The following PIGU variants were observed in gnomAD, a reference collection of about 807,000 sequenced individuals.
The protein encoded by PIGU is GPI-anchor transamidase component PIGU.
Under a neutral mutation model 49.9 loss-of-function variants are expected in PIGU, and 24 were observed. That is an observed-to-expected ratio of 0.48 (90% CI 0.35 to 0.68). The LOEUF (loss-of-function observed/expected upper bound fraction) is 0.68. Among genes scored for constraint, PIGU ranks in the 30% least tolerant of loss-of-function variants. PIGU has a pLI of 0.01. For synonymous variants in PIGU, 220 were observed against 205.7 expected, an observed-to-expected ratio of 1.07 and a Z score of -0.59; for missense variants, 490 against 532.6, an observed-to-expected ratio of 0.92 and a Z score of 0.79.
chr20:34,571,187 C>T (rs931832356), intron 11 of PIGU, among the ~76,000 whole-genome samples: 4 of 152,168 alleles, frequency 2.6e-5, no homozygotes, highest in African/African-American at 9.7e-5. Flanking sequence ...CTCAGGCGCA[C>T]CCCCCACCAT....
chr20:34,587,600 A>G (rs1983751010), intron 8 of PIGU, among the ~76,000 whole-genome samples: 1 of 152,182 alleles, frequency 6.6e-6, no homozygotes, highest in Admixed American at 6.5e-5. Flanking sequence ...AAAAGAAAAA[A>G]ACATATTCCT....
chr20:34,622,410 G>T (rs567275625), intron 6 of PIGU, among the ~76,000 whole-genome samples: 1 of 151,966 alleles, frequency 6.6e-6, no homozygotes, highest in Non-Finnish European at 1.5e-5. Flanking sequence ...CCAGCTATTC[G>T]GGAGGCTGAG....
intron 7 of PIGU, among the ~76,000 whole-genome samples, chr20:34,612,509 A>C (rs1568639002): frequency 6.6e-6 from 1 of 152,136 alleles, no homozygotes; most frequent in African/African-American, 2.4e-5. Flanking sequence ...CAGCACATGT[A>C]TTCCAGAACT....
At chr20:34,597,905 T>C (rs1984261641) in intron 7 of PIGU, among the ~76,000 whole-genome samples, 1 of 152,054 alleles carries the variant, frequency 6.6e-6, no homozygotes, top group African/African-American at 2.4e-5. Flanking sequence ...AAAGAATGAT[T>C]AACAAAAAAT....
intron 1 of PIGU, among the ~76,000 whole-genome samples, chr20:34,674,947 GAAAAA>G (rs71196750): frequency 7.8e-6 from 1 of 127,900 alleles, no homozygotes. Context: ...GTCTCTTGAA[GAAAAA>G]AAAAAAAAAA....
chr20:34,588,496 GGAA>G lies in PIGU; in HGVS notation c.736_738del (p.Phe246del), dbSNP rs773742109. The G allele has an allele frequency of 1.2e-5, 20 of 1,613,890 alleles. No individual in the cohort carries two copies. Among genetic ancestry groups the G allele is most frequent in the African/African-American group, 4.0e-5 (3 of 74,918 alleles). On this transcript the variant is annotated inframe_deletion, in exon 8 of 12. Coordinates refer to ENST00000217446, the MANE Select transcript of PIGU (RefSeq NM_080476.5). The stretch of plus-strand genomic sequence containing the variant: ...GGGATGAAATCCCAAGAGCTGAGAA[GGAA>G]GAAGGAGAGGCAAATGATTACCACT...
chr20:34,595,806 T>C (rs768959247), intron 7 of PIGU, among the ~76,000 whole-genome samples: 5 of 152,114 alleles, frequency 3.3e-5, no homozygotes, highest in Non-Finnish European at 1.5e-5. Flanking sequence ...ATCTAAGTAA[T>C]TATGAAAAAC....
chr20:34,657,040 A>T, intron 2 of PIGU, 140 bp downstream of exon 2: 1 of 646,944 alleles, frequency 1.5e-6, no homozygotes, highest in South Asian at 2.1e-5. Flanking sequence ...TATGCAGAGG[A>T]CATCTAAAAA....
At chr20:34,625,355 CA>C (rs1985427225) in intron 6 of PIGU, among the ~76,000 whole-genome samples, 1 of 85,080 alleles carries the variant, frequency 1.2e-5, no homozygotes, top group South Asian at 3.6e-4. Flanking sequence ...GGAACAAGAG[CA>C]AAACTCCATC....
Position 34,670,382 on chromosome 20 carries a change from G to T in PIGU, c.130+6574C>A, listed in dbSNP as rs182655583. Among the ~76,000 whole-genome samples the T allele has an allele frequency of 9.6e-3, 1,450 of 151,806 alleles. 8 individuals are homozygous for T. Among genetic ancestry groups the T allele is most frequent in the Non-Finnish European group, 0.015 (1,014 of 67,946 alleles). On this transcript the variant is annotated intron_variant, in intron 1 of 11. Coordinates refer to ENST00000217446, the MANE Select transcript of PIGU (RefSeq NM_080476.5). ...TTTTTGTATTTTTAGTAGAGACAAG[G>T]TTTCACCATGTTGCCTAGGCCGGTC...
chr20:34,650,377 C>A (rs1986493084), intron 2 of PIGU, among the ~76,000 whole-genome samples: 2 of 151,602 alleles, frequency 1.3e-5, no homozygotes, highest in Non-Finnish European at 2.9e-5. Context: ...CTCAAGCGAT[C>A]CTTCCACCTC....
chr20:34,671,201 A>G (rs1751680826), intron 1 of PIGU, among the ~76,000 whole-genome samples: 1 of 152,218 alleles, frequency 6.6e-6, no homozygotes, highest in East Asian at 1.9e-4. Flanking sequence ...TAACACACCT[A>G]AAGTGCTTAG....
intron 7 of PIGU, among the ~76,000 whole-genome samples, chr20:34,600,907 G>A (rs1287054759): frequency 6.6e-6 from 1 of 152,006 alleles, no homozygotes; most frequent in Non-Finnish European, 1.5e-5. Context: ...GGTGGCACAT[G>A]CCTGTAATCC....
chr20:34,629,868 A>G (rs562267803), intron 6 of PIGU, among the ~76,000 whole-genome samples: 38 of 152,234 alleles, frequency 2.5e-4, no homozygotes, highest in Non-Finnish European at 5.3e-4. Flanking sequence ...ACCATATTAA[A>G]TCACAAAGAA....
At chr20:34,637,755 A>G in intron 5 of PIGU, 121 bp downstream of exon 5, 2 of 1,539,582 alleles carry the variant, frequency 1.3e-6, no homozygotes, top group Non-Finnish European at 1.7e-6. Flanking sequence ...ACAGAACTAC[A>G]GCAAATACTT....
intron 8 of PIGU, 107 bp downstream of exon 8, chr20:34,588,346 A>G: frequency 2.0e-6 from 2 of 996,802 alleles, no homozygotes; most frequent in Non-Finnish European, 2.8e-6. Flanking sequence ...AGGAATGTTC[A>G]TACAGTTTTC....
chr20:34,585,064 G>A (rs1353976002), intron 9 of PIGU, among the ~76,000 whole-genome samples: 1 of 152,138 alleles, frequency 6.6e-6, no homozygotes, highest in Non-Finnish European at 1.5e-5. Context: ...CAAACTCCTG[G>A]CCTCAAGTGA....
chr20:34,579,581 G>A (rs1358781054), intron 10 of PIGU, among the ~76,000 whole-genome samples: 1 of 152,204 alleles, frequency 6.6e-6, no homozygotes, highest in African/African-American at 2.4e-5. Context: ...ATGATTCACA[G>A]TTGTCAAGCC....
At chr20:34,589,687 C>T (rs1360145433) in intron 7 of PIGU, among the ~76,000 whole-genome samples, 5 of 100,276 alleles carry the variant, frequency 5.0e-5, no homozygotes, top group Admixed American at 1.5e-4. Context: ...AACAGAGTTT[C>T]GCTCGTTGCC....
Sources: allele counts gnomAD v4.1 joint callset (sites outside exome capture counted in the v4.1 genomes callset), GRCh38; gene constraint gnomAD v4.1.1; transcripts MANE v1.5; gene names NCBI Gene and HGNC (gene_info 2026-07-23, HGNC 2026-07-21).